MED13L: variants seen among roughly 807,000 people sequenced by gnomAD.
MED13L encodes the protein mediator of RNA polymerase II transcription subunit 13-like.
MED13L carries 7 observed loss-of-function variants against 220.9 expected under a neutral mutation model. The observed-to-expected ratio is 0.03, with a 90% CI of 0.02 to 0.06. The LOEUF (loss-of-function observed/expected upper bound fraction) is 0.06. Ranked by LOEUF, MED13L falls within the 10% of genes least tolerant of loss-of-function variation. MED13L has a pLI of 1.00. For synonymous variants in MED13L, 1,011 were observed against 1,015.2 expected (o/e 1.00, Z 0.08); for missense variants, 1,965 against 2,760.5 (o/e 0.71, Z 6.46).
chr12:116,240,607 A>C (rs2138473465), intron 1 of MED13L, among the ~76,000 whole-genome samples: 1 of 150,718 alleles, frequency 6.6e-6, no homozygotes, highest in South Asian at 2.1e-4. Flanking sequence ...ATCTCGGCTC[A>C]CAGCAAGTTC....
At chr12:115,985,636 CAA>C (rs1230707064) in intron 19 of MED13L, among the ~76,000 whole-genome samples, 1 of 152,114 alleles carries the variant, frequency 6.6e-6, no homozygotes, top group Non-Finnish European at 1.5e-5. Context: ...ACTTATTCTT[CAA>C]AGACAGACAT....
At chr12:116,069,621 T>C (rs1434829113) in intron 4 of MED13L, among the ~76,000 whole-genome samples, 1 of 152,214 alleles carries the variant, frequency 6.6e-6, no homozygotes. Context: ...GTATTTGATA[T>C]ATTTACCATG....
At chr12:116,241,196 T>C (rs1425299367) in intron 1 of MED13L, among the ~76,000 whole-genome samples, 3 of 151,310 alleles carry the variant, frequency 2.0e-5, no homozygotes, top group Non-Finnish European at 4.4e-5. Flanking sequence ...TCCCAGCTAC[T>C]TGGGAGGCTG....
chr12:115,996,699 G>GGTCAGT lies in MED13L; in HGVS notation c.2791-24_2791-19dup. The GGTCAGT allele has an allele frequency of 6.2e-7, 1 of 1,600,192 alleles. No homozygotes were observed. The highest frequency in any genetic ancestry group is 8.6e-7 in the Non-Finnish European group (1 of 1,167,724). ...GAAAAGTCCTGTGACAACAAAGTGGGGTCAGTGTTAATATTGGTAAACTCT... is the reference window on the plus strand; with the variant it reads ...GAAAAGTCCTGTGACAACAAAGTGGGGTCAGTGTCAGTGTTAATATTGGTAAACTCT... On this transcript the variant is annotated intron_variant, in intron 15 of 30. Transcript: ENST00000281928.
chr12:116,029,770 C>T (rs1880617307), intron 4 of MED13L, among the ~76,000 whole-genome samples: 1 of 152,026 alleles, frequency 6.6e-6, no homozygotes, highest in South Asian at 2.1e-4. Flanking sequence ...TAAGAAGAAA[C>T]TGACAAATCT....
chr12:116,250,609 C>T (rs969522308), intron 1 of MED13L, among the ~76,000 whole-genome samples: 1 of 70,272 alleles, frequency 1.4e-5, no homozygotes, highest in African/African-American at 6.1e-5. Flanking sequence ...ACTAAAAATA[C>T]AAAAAAAAAA....
At chr12:116,219,934 T>A (rs1049106894) in intron 2 of MED13L, among the ~76,000 whole-genome samples, 1 of 151,976 alleles carries the variant, frequency 6.6e-6, no homozygotes, top group African/African-American at 2.4e-5. Context: ...GTAGCTGAGA[T>A]TACAGGTGCG....
At chr12:116,066,005 C>G (rs1363428047) in intron 4 of MED13L, among the ~76,000 whole-genome samples, 1 of 152,166 alleles carries the variant, frequency 6.6e-6, no homozygotes, top group African/African-American at 2.4e-5. Context: ...ACTGCAGAAT[C>G]TGTGTGTGAA....
chr12:116,261,984 CA>C (rs1397715819), intron 1 of MED13L, among the ~76,000 whole-genome samples: 1 of 152,176 alleles, frequency 6.6e-6, no homozygotes, highest in East Asian at 1.9e-4. Flanking sequence ...CTCTCTAAAA[CA>C]TAAATCTGAT....
At chr12:116,171,994 G>T (rs370919793) in intron 2 of MED13L, among the ~76,000 whole-genome samples, 1 of 152,100 alleles carries the variant, frequency 6.6e-6, no homozygotes, top group Non-Finnish European at 1.5e-5. Context: ...TTTTATAAAT[G>T]ACTTCTTTCT....
chr12:116,241,083 CG>C (rs1356136758), intron 1 of MED13L, among the ~76,000 whole-genome samples: 3 of 151,096 alleles, frequency 2.0e-5, no homozygotes, highest in African/African-American at 7.3e-5. Flanking sequence ...CAGAGGCGGG[CG>C]GATCACAAGG....
At chr12:116,172,736 G>GA (rs1879770181) in intron 2 of MED13L, among the ~76,000 whole-genome samples, 1 of 152,016 alleles carries the variant, frequency 6.6e-6, no homozygotes, top group Non-Finnish European at 1.5e-5. Flanking sequence ...GACAGACTCA[G>GA]AAAATTGCAT....
At chr12:116,022,629 C>T (rs773223084) in intron 4 of MED13L, 28 bp from the exon 5 acceptor site, 4 of 1,603,544 alleles carry the variant, frequency 2.5e-6, no homozygotes, top group Admixed American at 3.4e-5. Flanking sequence ...AGAAACTCAA[C>T]TTTATATTTT....
intron 4 of MED13L, among the ~76,000 whole-genome samples, chr12:116,042,511 G>A (rs1291446941): frequency 6.6e-6 from 1 of 152,194 alleles, no homozygotes; most frequent in East Asian, 1.9e-4. Context: ...ATGAGATGTG[G>A]TGAGACAAGG....
intron 2 of MED13L, among the ~76,000 whole-genome samples, chr12:116,127,898 C>T (rs561127030): frequency 2.6e-5 from 4 of 152,252 alleles, no homozygotes; most frequent in African/African-American, 7.2e-5. Flanking sequence ...TACAAGGCTC[C>T]ACCTGATCAA....
chr12:116,196,897 T>C (rs1468805777), intron 2 of MED13L, among the ~76,000 whole-genome samples: 4 of 152,206 alleles, frequency 2.6e-5, no homozygotes, highest in African/African-American at 9.6e-5. Flanking sequence ...AGACATGTCT[T>C]CAAAATTTGA....
At position 115,959,948 on chromosome 12, in the gene MED13L, G is replaced by A. The variant is rs1455463445; in HGVS notation, c.*1318C>T. ...GGCCTGGTCACAGTGGCTCCCGGGA[G>A]GCCAGTACACACCCACTGTCCTCAG... is the stretch of plus-strand genomic sequence containing the variant. On this transcript the variant is annotated 3_prime_UTR_variant, in exon 31 of 31. Coordinates refer to ENST00000281928, the MANE Select transcript of MED13L (RefSeq NM_015335.5). 1 of 152,514 alleles carries A rather than the reference G, an allele frequency of 6.6e-6. No homozygotes were observed. The highest frequency in any genetic ancestry group is 1.5e-5 in the Non-Finnish European group (1 of 68,022). 9.4% of individuals were successfully genotyped at this position (152,514 alleles called of 1,614,324 possible). A position where few individuals can be genotyped will look rare whatever the true frequency, so the allele number is the denominator to read the frequency against.
intron 2 of MED13L, among the ~76,000 whole-genome samples, chr12:116,183,906 C>CT (rs1410341104): frequency 2.0e-5 from 3 of 151,566 alleles, no homozygotes; most frequent in African/African-American, 7.3e-5. Context: ...AAATAGATGA[C>CT]TGTCTTTGAG....
intron 4 of MED13L, among the ~76,000 whole-genome samples, chr12:116,080,829 T>G (rs1333043224): frequency 6.6e-6 from 1 of 152,236 alleles, no homozygotes; most frequent in African/African-American, 2.4e-5. Flanking sequence ...TTCACTGCAG[T>G]ATGTGCATTA....
Sources: gnomAD v4.1 joint callset for allele counts (sites outside exome capture counted in the v4.1 genomes callset) on GRCh38, gnomAD v4.1.1 for gene constraint, MANE v1.5 for transcripts, NCBI Gene and HGNC (gene_info 2026-07-23, HGNC 2026-07-21) for gene names.